Variants in RGS8 observed in about 807,000 individuals in gnomAD.
RGS8 encodes regulator of G protein signaling 8.
RGS8 carries 8 observed loss-of-function variants against 21.7 expected under a neutral mutation model. The observed-to-expected ratio is 0.37, with a 90% confidence interval of 0.22 to 0.66. RGS8 has a LOEUF of 0.66. RGS8 is among the 30% of genes least tolerant of loss of function. The pLI, the probability that RGS8 is intolerant of heterozygous loss-of-function variation, is 0.59. For synonymous variants in RGS8, 80 were observed against 83.6 expected, an observed-to-expected ratio of 0.96 and a Z score of 0.24; for missense variants, 157 against 217.9, an observed-to-expected ratio of 0.72 and a Z score of 1.76.
chr1:182,647,783 T>C (rs1484054052), intron 6 of RGS8, among the ~76,000 whole-genome samples: 1 of 152,190 alleles, frequency 6.6e-6, no homozygotes, highest in African/African-American at 2.4e-5. Context: ...GAGCTAAAAT[T>C]GAAACAAGAT....
At chr1:182,654,631 C>T (rs552170351) in intron 5 of RGS8, among the ~76,000 whole-genome samples, 1 of 152,098 alleles carries the variant, frequency 6.6e-6, no homozygotes, top group East Asian at 1.9e-4. Flanking sequence ...ATTACAAATG[C>T]AGAGTGGGCT....
chr1:182,667,287 T>C (rs1663919228), intron 3 of RGS8, among the ~76,000 whole-genome samples: 1 of 151,690 alleles, frequency 6.6e-6, no homozygotes. Flanking sequence ...GAAAATACAG[T>C]GACAACAAAA....
the RGS8 span, among the ~76,000 whole-genome samples, chr1:182,752,210 G>C: frequency 3.9e-5 from 6 of 152,208 alleles, no homozygotes; most frequent in Admixed American, 6.5e-5. Context: ...TGACAGCAGA[G>C]GCTGGGCTGA....
the RGS8 span, among the ~76,000 whole-genome samples, chr1:182,709,756 A>G: frequency 6.6e-6 from 1 of 151,936 alleles, no homozygotes; most frequent in Non-Finnish European, 1.5e-5. Context: ...AACTCCCCCC[A>G]CTGTCACTTA....
the RGS8 span, among the ~76,000 whole-genome samples, chr1:182,695,372 A>G: frequency 2.0e-4 from 30 of 152,294 alleles, no homozygotes; most frequent in Admixed American, 1.8e-3. Flanking sequence ...CACTTTGAAG[A>G]AAAACAAACC....
the RGS8 span, among the ~76,000 whole-genome samples, chr1:182,697,217 A>G: frequency 1.3e-5 from 2 of 152,204 alleles, no homozygotes; most frequent in Non-Finnish European, 1.5e-5. Context: ...AGAGGTAGAG[A>G]ACTGGGGCCA....
chr1:182,677,552 C>T (rs530498542), upstream of RGS8, among the ~76,000 whole-genome samples: 1 of 152,312 alleles, frequency 6.6e-6, no homozygotes, highest in East Asian at 1.9e-4. Flanking sequence ...TTACCACCTG[C>T]TCAGCGAGGT....
At chr1:182,666,362 C>T (rs1230953864) in intron 4 of RGS8, among the ~76,000 whole-genome samples, 1 of 152,184 alleles carries the variant, frequency 6.6e-6, no homozygotes. Flanking sequence ...AAGTTAGACT[C>T]AGCTCCTGAC....
downstream of RGS8, chr1:182,646,003 G>T (rs1176179016): frequency 6.6e-6 from 1 of 152,242 alleles, no homozygotes; most frequent in Non-Finnish European, 1.5e-5. Context: ...AGATTTGCAA[G>T]CTGTATCTTT....
chr1:182,650,005 G>A (rs188738399), intron 5 of RGS8, among the ~76,000 whole-genome samples: 5 of 151,250 alleles, frequency 3.3e-5, no homozygotes, highest in East Asian at 2.0e-4. Context: ...TGTGCCTCCC[G>A]GGTTCAAGCA....
chr1:182,643,991 A>C (rs1431739676), downstream of RGS8: 1 of 152,350 alleles, frequency 6.6e-6, no homozygotes, highest in South Asian at 2.1e-4. Flanking sequence ...AGGCAAGTCC[A>C]CAGCACAGGC....
chr1:182,747,847 C>T, the RGS8 span, among the ~76,000 whole-genome samples: 78 of 81,526 alleles, frequency 9.6e-4, no homozygotes, highest in African/African-American at 2.5e-3. Context: ...ACTAAAAATA[C>T]GAAAAAAAAA....
chr1:182,729,296 T>C, the RGS8 span, among the ~76,000 whole-genome samples: 102,448 of 152,014 alleles, frequency 0.67, 35,512 homozygotes, highest in African/African-American at 0.85. Flanking sequence ...TGAATTCTAA[T>C]GGGCGTCTTC....
chr1:182,715,701 G>C, the RGS8 span, among the ~76,000 whole-genome samples: 1 of 152,116 alleles, frequency 6.6e-6, no homozygotes, highest in Non-Finnish European at 1.5e-5. Context: ...GACCAATCAT[G>C]ACCCATCTGC....
At chr1:182,740,317 C>T in the RGS8 span, among the ~76,000 whole-genome samples, 4 of 152,158 alleles carry the variant, frequency 2.6e-5, no homozygotes, top group African/African-American at 9.7e-5. Context: ...ATAAGCATAC[C>T]AGTTAGTAAT....
chr1:182,717,783 T>C, the RGS8 span, among the ~76,000 whole-genome samples: 21 of 152,238 alleles, frequency 1.4e-4, no homozygotes, highest in African/African-American at 5.1e-4. Context: ...TTGTCTGTCC[T>C]GGTCACTGGT....
chr1:182,701,852 C>A, the RGS8 span, among the ~76,000 whole-genome samples: 1 of 152,200 alleles, frequency 6.6e-6, no homozygotes, highest in Middle Eastern at 3.2e-3. Flanking sequence ...CATCACTAAT[C>A]ATCAGAGAAA....
intron 3 of RGS8, among the ~76,000 whole-genome samples, chr1:182,668,192 A>C (rs1214632722): frequency 6.6e-6 from 1 of 152,232 alleles, no homozygotes; most frequent in Non-Finnish European, 1.5e-5. Flanking sequence ...CCCTTGACAG[A>C]ATAAGTTTGC....
the RGS8 span, among the ~76,000 whole-genome samples, chr1:182,704,885 C>T: frequency 6.6e-6 from 1 of 152,192 alleles, no homozygotes; most frequent in Non-Finnish European, 1.5e-5. Context: ...GGCACTCACA[C>T]CACACGTGCC....
Sources: allele counts gnomAD v4.1 joint callset (sites outside exome capture counted in the v4.1 genomes callset), GRCh38; gene constraint gnomAD v4.1.1; transcripts MANE v1.5; gene names NCBI Gene and HGNC (gene_info 2026-07-23, HGNC 2026-07-21).